The following IGSF9B variants were observed in gnomAD, a reference collection of about 807,000 sequenced individuals.
IGSF9B encodes immunoglobulin superfamily member 9B.
In IGSF9B, 48 loss-of-function variants were observed where a neutral mutation model predicts 143.7. That is an observed-to-expected ratio of 0.33 (90% CI 0.26 to 0.42). The LOEUF is 0.42. Among genes scored for constraint, IGSF9B ranks in the 20% least tolerant of loss-of-function variants. IGSF9B has a pLI of 1.00. For synonymous variants in IGSF9B, 903 were observed against 833.1 expected (o/e 1.08, Z -1.44); for missense variants, 1,706 against 1,980.0 (o/e 0.86, Z 2.63).
In IGSF9B at chr11:133,901,700, G is replaced by C. The variant is rs1939122902; in HGVS notation, c.*7369C>G. 6.6e-6 allele frequency: 1 copy of C among 152,106 alleles called. No individual in the cohort carries two copies. The highest frequency in any genetic ancestry group is 1.5e-5 in the Non-Finnish European group (1 of 68,030). 9.4% of individuals were successfully genotyped at this position (152,106 alleles called of 1,614,324 possible). A position where few individuals can be genotyped will look rare whatever the true frequency, so the allele number is the denominator to read the frequency against. On this transcript the variant is annotated 3_prime_UTR_variant, in exon 20 of 20. Coordinates refer to ENST00000533871, the MANE Select transcript of IGSF9B (RefSeq NM_001277285.4). ...CTAATTTGACCCTCCTACCCAAACAGAAGTTGTCTAGCAAAAGAGCCAAAC... is the reference window on the plus strand; with the variant it reads ...CTAATTTGACCCTCCTACCCAAACACAAGTTGTCTAGCAAAAGAGCCAAAC...
At chr11:133,937,754 G>A (rs1270538150) in intron 4 of IGSF9B, 56 bp downstream of exon 4, 4 of 1,572,550 alleles carry the variant, frequency 2.5e-6, no homozygotes, top group Non-Finnish European at 3.5e-6. Flanking sequence ...GTAGGAGGCT[G>A]CCCTGGGGAA....
intron 18 of IGSF9B, among the ~76,000 whole-genome samples, chr11:133,918,822 A>G (rs944813665): frequency 1.7e-5 from 2 of 114,340 alleles, no homozygotes; most frequent in Non-Finnish European, 4.1e-5. Context: ...GAGAGAGAGA[A>G]GAGGGCGGGG....
chr11:133,898,997 G>A lies in IGSF9B; in HGVS notation c.*10072C>T, dbSNP rs1939071310. The A allele has an allele frequency of 6.6e-6, 1 of 152,336 alleles. No individual in the cohort carries two copies. The highest frequency in any genetic ancestry group is 1.5e-5 in the Non-Finnish European group (1 of 68,128). The allele number at this position is 152,336 out of a possible 1,614,324, so 9.4% of individuals were successfully genotyped here. A position where few individuals can be genotyped will look rare whatever the true frequency, so the allele number is the denominator to read the frequency against. On this transcript the variant is annotated 3_prime_UTR_variant, in exon 20 of 20. Transcript: ENST00000533871. ...GCTGCTGGTTGGTGACAGTGGGGAAGAGGGACAGGGCCCACACTGATCCAT... is the reference window on the plus strand; with the variant it reads ...GCTGCTGGTTGGTGACAGTGGGGAAAAGGGACAGGGCCCACACTGATCCAT...
rs562672610 is a variant in IGSF9B, at chr11:133,953,971, C to A, written c.64+2720G>T. Among the ~76,000 whole-genome samples, 1 of 152,300 alleles carries A rather than the reference C, an allele frequency of 6.6e-6. No homozygotes were observed. Among genetic ancestry groups the A allele is most frequent in the East Asian group, 1.9e-4 (1 of 5,176 alleles). On this transcript the variant is annotated intron_variant, in intron 1 of 19. Transcript: ENST00000533871. This position sits in a 1 kb window ranked among gnomAD's most constrained non-coding sequence, Gnocchi z 4.2. ...AGCCCATTCCAACCTCTGTCCCGCA[C>A]CCGAGGGCTGATGGAGTCGGGTCCC...
At chr11:133,929,104 C>T (rs329673) in intron 12 of IGSF9B, among the ~76,000 whole-genome samples, 115,657 of 152,072 alleles carry the variant, frequency 0.76, 44,434 homozygotes, top group East Asian at 0.86. Flanking sequence ...CATTCTTAAA[C>T]CACTATGAGT....
chr11:133,920,685 C>G lies in IGSF9B; in HGVS notation c.3040G>C (p.Glu1014Gln). 1.9e-6 allele frequency: 3 copies of G among 1,613,388 alleles called. No individual in the cohort carries two copies. Among genetic ancestry groups the G allele is most frequent in the Non-Finnish European group, 2.5e-6 (3 of 1,179,728 alleles). ...TTGGATGCATTCTCTCCATTCTCCT[C>G]GGGGATGGTGGGGTGGCCAAAGGGC... ...EGPFGHPTIP[E>Q]ENGENASNST... The change falls in exon 18 of 20, where the codon GAG (glutamate) becomes CAG (glutamine). Residue 1014 changes from glutamate (E) to glutamine (Q), a missense_variant. By Grantham distance (29) the Glu-to-Gln change is conservative. Coordinates refer to ENST00000533871, the MANE Select transcript of IGSF9B (RefSeq NM_001277285.4).
At chr11:133,937,341 C>A in intron 5 of IGSF9B, 35 bp downstream of exon 5, 1 of 1,501,644 alleles carries the variant, frequency 6.7e-7, no homozygotes, top group Non-Finnish European at 9.2e-7. Context: ...CCCGCGGGAG[C>A]CCAGGGTTAA....
intron 4 of IGSF9B, 67 bp from the exon 5 acceptor site, chr11:133,937,560 G>A (rs900421701): frequency 3.0e-5 from 39 of 1,304,484 alleles, no homozygotes; most frequent in African/African-American, 4.4e-5. Context: ...CCTCAAACAC[G>A]GAGATGCAGT....
rs1057012059 is a variant in IGSF9B, at chr11:133,906,497, C to T, written c.*2572G>A. On this transcript the variant is annotated 3_prime_UTR_variant, in exon 20 of 20. Coordinates refer to ENST00000533871, the MANE Select transcript of IGSF9B (RefSeq NM_001277285.4). Reference sequence around the variant, plus strand: ...AGCACAGCAGCCACTCGGTGACCAGCGAAAAGCACGGCTCCCCGCGTTGGG... The same window carrying T: ...AGCACAGCAGCCACTCGGTGACCAGTGAAAAGCACGGCTCCCCGCGTTGGG... Among the ~76,000 whole-genome samples the T allele has an allele frequency of 6.6e-6, 1 of 152,166 alleles. No homozygotes were observed. The highest frequency in any genetic ancestry group is 6.5e-5 in the Admixed American group (1 of 15,286).
chr11:133,939,719 C>A (rs1939888212), intron 3 of IGSF9B, among the ~76,000 whole-genome samples: 1 of 152,052 alleles, frequency 6.6e-6, no homozygotes, highest in Non-Finnish European at 1.5e-5. Flanking sequence ...CACGTCATCA[C>A]ATGCAAAAAC....
At chr11:133,924,975 C>A in intron 14 of IGSF9B, 71 bp from the exon 15 acceptor site, 1 of 1,298,902 alleles carries the variant, frequency 7.7e-7, no homozygotes, top group Non-Finnish European at 1.1e-6. Flanking sequence ...ACACACTCAT[C>A]CTGCACACAG....
In IGSF9B at chr11:133,923,959, C is replaced by A. The variant is rs764835931; in HGVS notation, c.2119+861G>T. On this transcript the variant is annotated intron_variant, in intron 15 of 19. Coordinates refer to ENST00000533871, the MANE Select transcript of IGSF9B (RefSeq NM_001277285.4). ...ACTGTGGGTTCTGCTACCTGTAGGA[C>A]ACAACCTTTTTTTTTTAAAGCCCAT... Among the ~76,000 whole-genome samples, 141 of 152,208 alleles carry A rather than the reference C, an allele frequency of 9.3e-4. 3 individuals carry two copies. The highest frequency in any genetic ancestry group is 2.0e-4 in the Admixed American group (3 of 15,284).
Position 133,921,322 on chromosome 11 carries a change from G to T in IGSF9B, c.2403C>A (p.Gly801=), listed in dbSNP as rs1184366435. Residue 801 remains glycine (G), a synonymous_variant, in exon 18 of 20, where the codon GGC becomes GGA. Transcript: ENST00000533871. The stretch of plus-strand genomic sequence containing the variant: ...TCAGCATCCTCTTGGCCGCGGGCTG[G>T]CCCTGGTCGTCGGAGGATTCTGACG... ...RAPSESSDDQ[G]QPAAKRMLSP... 1 of 1,598,280 alleles carries T rather than the reference G, an allele frequency of 6.3e-7. No homozygotes were observed. Among genetic ancestry groups the T allele is most frequent in the Non-Finnish European group, 8.5e-7 (1 of 1,171,210 alleles).
chr11:133,940,303 C>A (rs534987270), intron 3 of IGSF9B, among the ~76,000 whole-genome samples: 1 of 142,366 alleles, frequency 7.0e-6, no homozygotes, highest in Non-Finnish European at 1.5e-5. Context: ...CGTCCTCGCA[C>A]GCGTCATCGC....
At chr11:133,942,304 C>T (rs1175405099) in intron 3 of IGSF9B, among the ~76,000 whole-genome samples, 5 of 152,154 alleles carry the variant, frequency 3.3e-5, no homozygotes, top group African/African-American at 1.2e-4. Context: ...ACTGAGGAAC[C>T]GGAAGTCCGA....
chr11:133,896,665 T>C lies in IGSF9B; in HGVS notation c.*12404A>G, dbSNP rs1939022419. 1 of 152,196 alleles carries C rather than the reference T, an allele frequency of 6.6e-6. No individual in the cohort carries two copies. 9.4% of individuals were successfully genotyped at this position (152,196 alleles called of 1,614,324 possible). On this transcript the variant is annotated 3_prime_UTR_variant, in exon 20 of 20. Coordinates refer to ENST00000533871, the MANE Select transcript of IGSF9B (RefSeq NM_001277285.4). ...TGATTTGTAATTCAGGATATGAACA[T>C]GCAGTGTTACTGGGGATGAGTTGGT... is the stretch of plus-strand genomic sequence containing the variant.
At position 133,944,252 on chromosome 11, in the gene IGSF9B, T is replaced by C; in HGVS notation, c.377A>G (p.His126Arg). 2 of 1,612,396 alleles carry C rather than the reference T, an allele frequency of 1.2e-6. No homozygotes were observed. Among genetic ancestry groups the C allele is most frequent in the Non-Finnish European group, 1.7e-6 (2 of 1,178,966 alleles). The change falls in exon 3 of 20, where the codon CAC (histidine) becomes CGC (arginine). Residue 126 changes from histidine to arginine, a missense_variant. His to Arg is a conservative substitution (Grantham distance 29). This residue lies in a region of IGSF9B where 171 missense variants were observed against 213.9 expected (regional missense o/e 0.80). Transcript: ENST00000533871. Reference sequence around the variant, plus strand: ...GGTGAGGTGGACCCAGCTGCCATTGTGGAAGGTGTCATACTGCTGGTCCAG... The same window carrying C: ...GGTGAGGTGGACCCAGCTGCCATTGCGGAAGGTGTCATACTGCTGGTCCAG... ...LMLDQQYDTF[H>R]NGSWVHLTIN...
Position 133,946,240 on chromosome 11 carries a change from T to C in IGSF9B, c.83A>G (p.Glu28Gly). The C allele has an allele frequency of 3.7e-6, 6 of 1,613,436 alleles. No homozygotes were observed. The highest frequency in any genetic ancestry group is 5.1e-6 in the Non-Finnish European group (6 of 1,179,800). ...LAAEGAHGLR[E>G]EPEFVTARAG... is the part of the protein sequence containing the mutation. ...TCTTGCCGTCACAAACTCGGGCTCC[T>C]CTCGCAGGCCGTGGGCGCCTGATGG... Residue 28 changes from glutamate (E) to glycine (G), a missense_variant, in exon 2 of 20, where the codon GAG becomes GGG. By Grantham distance (98) the Glu-to-Gly change is moderately conservative (BLOSUM62 -2). Around this residue, in one of 7 missense-constraint regions of IGSF9B, gnomAD observed 171 missense variants for 213.9 expected, o/e 0.80. Transcript: ENST00000533871.
At chr11:133,917,270 G>A (rs1565418303) in intron 18 of IGSF9B, among the ~76,000 whole-genome samples, 2 of 152,186 alleles carry the variant, frequency 1.3e-5, no homozygotes, top group African/African-American at 2.4e-5. Flanking sequence ...GAGGGAGCGA[G>A]CTTCGGGTGG....
Sources: gnomAD v4.1 joint callset for allele counts (sites outside exome capture counted in the v4.1 genomes callset) on GRCh38, gnomAD v4.1.1 for gene constraint, gnomAD v4.1.1 regional missense constraint, Gnocchi (gnomAD v3.1) non-coding constraint, MANE v1.5 for transcripts, NCBI Gene and HGNC (gene_info 2026-07-23, HGNC 2026-07-21) for gene names.